Variants in CSTPP1 observed in about 807,000 individuals in gnomAD.
The protein encoded by CSTPP1 is centriolar satellite-associated tubulin polyglutamylase complex regulator 1.
chr11:47,077,941 G>C, the CSTPP1 span, among the ~76,000 whole-genome samples: 1 of 151,906 alleles, frequency 6.6e-6, no homozygotes, highest in Non-Finnish European at 1.5e-5. Flanking sequence ...AAAAACAAAA[G>C]GTTGTATAAG....
chr11:46,988,021 C>T, the CSTPP1 span: 1 of 152,270 alleles, frequency 6.6e-6, no homozygotes, highest in African/African-American at 2.4e-5. Flanking sequence ...GATAACATCT[C>T]ACCCCAGTTA....
the CSTPP1 span, chr11:47,162,218 A>C: frequency 2.0e-6 from 2 of 985,372 alleles, no homozygotes; most frequent in Non-Finnish European, 2.4e-6. Flanking sequence ...AAACATGTGA[A>C]ACGAATAAAA....
At chr11:47,059,838 C>A in the CSTPP1 span, among the ~76,000 whole-genome samples, 1 of 152,196 alleles carries the variant, frequency 6.6e-6, no homozygotes, top group Non-Finnish European at 1.5e-5. Context: ...GGCGCGGTGA[C>A]TCATGCCTGT....
the CSTPP1 span, among the ~76,000 whole-genome samples, chr11:47,040,636 T>G: frequency 3.1e-5 from 4 of 127,084 alleles, 1 homozygote; most frequent in Middle Eastern, 8.5e-3. Flanking sequence ...CATTTTCACT[T>G]AGCCCCTCGA....
At chr11:46,987,133 T>C in the CSTPP1 span, 2 of 1,427,012 alleles carry the variant, frequency 1.4e-6, no homozygotes, top group Admixed American at 3.4e-5. Context: ...ACACATGACC[T>C]CCTACTAGGA....
chr11:47,005,172 T>G, the CSTPP1 span, among the ~76,000 whole-genome samples: 1 of 152,220 alleles, frequency 6.6e-6, no homozygotes, highest in Non-Finnish European at 1.5e-5. Flanking sequence ...AAAATTGATG[T>G]AAAAACTTTT....
chr11:47,158,269 T>C, the CSTPP1 span, among the ~76,000 whole-genome samples: 1 of 152,094 alleles, frequency 6.6e-6, no homozygotes, highest in South Asian at 2.1e-4. Context: ...CGCTAGAGAT[T>C]ATATATCAAA....
chr11:47,045,364 G>A, the CSTPP1 span, among the ~76,000 whole-genome samples: 18 of 152,186 alleles, frequency 1.2e-4, no homozygotes, highest in African/African-American at 4.3e-4. Context: ...CCTTTGGTAA[G>A]TTTTCAGCAA....
At chr11:47,063,916 A>C in the CSTPP1 span, among the ~76,000 whole-genome samples, 144 of 152,324 alleles carry the variant, frequency 9.5e-4, no homozygotes, top group African/African-American at 3.2e-3. Flanking sequence ...TTTCTACAGC[A>C]GGTGTATCAT....
chr11:47,072,742 C>A, the CSTPP1 span, among the ~76,000 whole-genome samples: 4,578 of 152,028 alleles, frequency 0.03, 98 homozygotes, highest in Non-Finnish European at 0.046. Flanking sequence ...GATGTGATGA[C>A]AAAATAATTC....
At chr11:47,157,692 C>G in the CSTPP1 span, 1 of 903,716 alleles carries the variant, frequency 1.1e-6, no homozygotes, top group South Asian at 1.5e-5. Flanking sequence ...CCCCCAGGGC[C>G]TTGGGGCTCC....
the CSTPP1 span, among the ~76,000 whole-genome samples, chr11:47,144,631 C>A: frequency 2.6e-5 from 4 of 152,122 alleles, no homozygotes; most frequent in African/African-American, 9.7e-5. Flanking sequence ...TAATATATAA[C>A]AAAAATCTCC....
At chr11:47,038,486 G>A in the CSTPP1 span, among the ~76,000 whole-genome samples, 3 of 108,344 alleles carry the variant, frequency 2.8e-5, no homozygotes, top group Admixed American at 9.4e-5. Flanking sequence ...CGGACGGGGC[G>A]GCCGGCCAGG....
the CSTPP1 span, among the ~76,000 whole-genome samples, chr11:47,017,777 C>T: frequency 2.6e-5 from 4 of 151,658 alleles, no homozygotes; most frequent in African/African-American, 9.7e-5. Context: ...AGGCAATTCT[C>T]ATGCCTCAGC....
chr11:46,965,617 C>T, the CSTPP1 span, among the ~76,000 whole-genome samples: 1 of 152,138 alleles, frequency 6.6e-6, no homozygotes, highest in Non-Finnish European at 1.5e-5. Context: ...TCTTTTTAAT[C>T]TCTAGCTTAG....
chr11:47,035,317 G>A, the CSTPP1 span, among the ~76,000 whole-genome samples: 2 of 152,182 alleles, frequency 1.3e-5, no homozygotes, highest in Non-Finnish European at 2.9e-5. Flanking sequence ...CATCACTAGT[G>A]ACACTTCGTA....
chr11:47,067,589 A>G, the CSTPP1 span, among the ~76,000 whole-genome samples: 1 of 152,234 alleles, frequency 6.6e-6, no homozygotes, highest in Admixed American at 6.5e-5. Context: ...AAGAGGAGAT[A>G]CCAGAGAGCT....
chr11:47,056,911 T>G, the CSTPP1 span, among the ~76,000 whole-genome samples: 4 of 152,192 alleles, frequency 2.6e-5, no homozygotes, highest in Non-Finnish European at 4.4e-5. Context: ...TGTGCATACT[T>G]TAGCATTATC....
chr11:47,162,278 G>A, the CSTPP1 span: 1 of 984,832 alleles, frequency 1.0e-6, no homozygotes. Context: ...AGGCTGAGGG[G>A]AGAAGGGAGA....
Sources: gnomAD v4.1 joint callset for allele counts (sites outside exome capture counted in the v4.1 genomes callset) on GRCh38, gnomAD v4.1.1 for gene constraint, MANE v1.5 for transcripts, NCBI Gene and HGNC (gene_info 2026-07-23, HGNC 2026-07-21) for gene names.